Variants in RBM17 observed in about 807,000 individuals in gnomAD.
RBM17 encodes RNA binding motif protein 17, also known as splicing factor 45.
Under a neutral mutation model 53.2 loss-of-function variants are expected in RBM17, and 7 were observed. The ratio of observed to expected loss-of-function variants is 0.13; its 90% confidence interval spans 0.07 to 0.25. RBM17 has a LOEUF of 0.25. RBM17 is among the 10% of genes least tolerant of loss of function. The pLI is 1.00. For missense variants in RBM17, 257 were observed against 496.7 expected, an observed-to-expected ratio of 0.52 and a Z score of 4.59; for synonymous variants, 167 against 178.1, an observed-to-expected ratio of 0.94 and a Z score of 0.50.
intron 5 of RBM17, among the ~76,000 whole-genome samples, chr10:6,106,625 G>A (rs775389425): frequency 1.3e-5 from 2 of 152,082 alleles, no homozygotes; most frequent in Non-Finnish European, 2.9e-5. Flanking sequence ...TTTCATATCC[G>A]CTATCTTAGT....
At chr10:6,100,904 A>C (rs964120890) in intron 2 of RBM17, among the ~76,000 whole-genome samples, 11 of 152,234 alleles carry the variant, frequency 7.2e-5, no homozygotes, top group Non-Finnish European at 1.6e-4. Context: ...GAACATTAAC[A>C]ATAATTGAAT....
chr10:6,113,500 T>C lies in RBM17; in HGVS notation c.857-8T>C, dbSNP rs867141014. On this transcript the variant is annotated splice_region_variant and splice_polypyrimidine_tract_variant and intron_variant, in intron 8 of 11. Transcript: ENST00000379888. ...CTGTAACACATCTAATGGTATGTTTTGATACAGATGCATCCAAGAAGTCAG... is the reference window on the plus strand; with the variant it reads ...CTGTAACACATCTAATGGTATGTTTCGATACAGATGCATCCAAGAAGTCAG... The C allele has an allele frequency of 2.5e-6, 4 of 1,600,840 alleles. No individual in the cohort carries two copies. In the Middle Eastern group the frequency reaches 6.6e-4, roughly 265 times the overall value.
At chr10:6,092,823 A>G (rs1483519956) in intron 1 of RBM17, among the ~76,000 whole-genome samples, 20 of 152,236 alleles carry the variant, frequency 1.3e-4, no homozygotes, top group Admixed American at 1.3e-3. Flanking sequence ...ATCAGTTTCT[A>G]ATATTTAAAG....
intron 2 of RBM17, among the ~76,000 whole-genome samples, chr10:6,099,783 C>T (rs1327552209): frequency 5.3e-5 from 8 of 152,094 alleles, no homozygotes; most frequent in Admixed American, 5.2e-4. Flanking sequence ...TCTGGCTGGG[C>T]GTGGTGGCTC....
At chr10:6,090,345 C>T (rs917706701) in intron 1 of RBM17, among the ~76,000 whole-genome samples, 1 of 152,182 alleles carries the variant, frequency 6.6e-6, no homozygotes, top group Non-Finnish European at 1.5e-5. Flanking sequence ...GTTGTAAAGG[C>T]TGCAGACATT....
At chr10:6,099,322 G>A (rs1029259849) in intron 2 of RBM17, among the ~76,000 whole-genome samples, 2 of 151,338 alleles carry the variant, frequency 1.3e-5, no homozygotes, top group African/African-American at 4.9e-5. Context: ...CTCTTAGGCT[G>A]TTTAGTTACT....
chr10:6,097,672 AAAAC>A (rs374129433), intron 2 of RBM17, among the ~76,000 whole-genome samples: 38 of 152,330 alleles, frequency 2.5e-4, no homozygotes, highest in African/African-American at 6.3e-4. Flanking sequence ...CTCCGATTCA[AAAAC>A]AAACAAACAA....
At position 6,113,557 on chromosome 10, in the gene RBM17, T is replaced by G. The variant is rs1239904191; in HGVS notation, c.906T>G (p.Cys302Trp). Residue 302 changes from cysteine to tryptophan, a missense_variant, in exon 9 of 12, where the codon TGT (cysteine) becomes TGG (tryptophan). This residue lies in a region of RBM17 where 49 missense variants were observed against 114.8 expected (regional missense o/e 0.43). Transcript: ENST00000379888. ...ATCCGCTGACTGAAATACTTAAGTG[T>G]CCTACTAAAGTGGTCTTACTAAGGG... is the stretch of plus-strand genomic sequence containing the variant. ...DSNPLTEILK[C>W]PTKVVLLRNM... 1 of 1,612,452 alleles carries G rather than the reference T, an allele frequency of 6.2e-7. No individual in the cohort carries two copies.
chr10:6,113,702 C>G, intron 9 of RBM17, 121 bp downstream of exon 9: 1 of 716,194 alleles, frequency 1.4e-6, no homozygotes, highest in South Asian at 1.7e-5. Context: ...ATACTTTGGG[C>G]AGATCCCACG....
intron 3 of RBM17, among the ~76,000 whole-genome samples, chr10:6,102,066 A>G (rs1168530318): frequency 1.3e-5 from 2 of 152,244 alleles, no homozygotes; most frequent in African/African-American, 4.8e-5. Flanking sequence ...AAAATGAGGT[A>G]AAATGAGTGA....
At chr10:6,099,878 T>G (rs960825289) in intron 2 of RBM17, among the ~76,000 whole-genome samples, 1 of 152,104 alleles carries the variant, frequency 6.6e-6, no homozygotes, top group East Asian at 1.9e-4. Flanking sequence ...ACCAACATGG[T>G]GAAACCTTAT....
intron 1 of RBM17, 70 bp from the exon 2 acceptor site, chr10:6,096,978 T>A: frequency 2.1e-6 from 3 of 1,455,174 alleles, no homozygotes; most frequent in Non-Finnish European, 2.8e-6. Flanking sequence ...AATTTCATGA[T>A]ACTTATTTTA....
In RBM17 at chr10:6,106,164, C is replaced by G. The variant is rs1230452797; in HGVS notation, c.431C>G (p.Ala144Gly). Reference sequence around the variant, plus strand: ...AGAAGGCGTAAAGACAGACATGAAGCAAGTGGGTTTGCAAGGAGACCAGAT... The same window carrying G: ...AGAAGGCGTAAAGACAGACATGAAGGAAGTGGGTTTGCAAGGAGACCAGAT... Reference protein sequence around the residue: ...REKRRKDRHEASGFARRPDPD... With the variant: ...REKRRKDRHEGSGFARRPDPD... Residue 144 changes from alanine to glycine, a missense_variant, in exon 5 of 12, where the codon GCA becomes GGA. Ala to Gly is a moderately conservative substitution (Grantham distance 60). Transcript: ENST00000379888. The G allele has an allele frequency of 1.2e-6, 2 of 1,613,226 alleles. No individual in the cohort carries two copies. Among genetic ancestry groups the G allele is most frequent in the Non-Finnish European group, 1.7e-6 (2 of 1,179,494 alleles).
At chr10:6,108,538 A>G (rs11256802) in intron 5 of RBM17, 148 bp from the exon 6 acceptor site, 2 of 555,316 alleles carry the variant, frequency 3.6e-6, no homozygotes, top group East Asian at 3.2e-5. Flanking sequence ...AGGTTTGTTC[A>G]TATGTAGCAG....
intron 5 of RBM17, among the ~76,000 whole-genome samples, chr10:6,108,057 C>G (rs541416835): frequency 6.4e-4 from 98 of 152,240 alleles, no homozygotes; most frequent in African/African-American, 2.0e-3. Context: ...CATTCGTTGT[C>G]CAGGAAATAC....
At position 6,115,743 on chromosome 10, in the gene RBM17, T is replaced by G; in HGVS notation, c.*187T>G. 4 of 433,650 alleles carry G rather than the reference T, an allele frequency of 9.2e-6. No homozygotes were observed. The highest frequency in any genetic ancestry group is 1.6e-5 in the Non-Finnish European group (4 of 246,044). The allele number at this position is 433,650 out of a possible 1,614,324, so 26.9% of individuals were successfully genotyped here. On this transcript the variant is annotated 3_prime_UTR_variant, in exon 12 of 12. Coordinates refer to ENST00000379888, the MANE Select transcript of RBM17 (RefSeq NM_032905.5). The stretch of plus-strand genomic sequence containing the variant: ...TTTTAATATAGTATAAAAATCCTTT[T>G]AAAAAAACAACAATCTGTGTGCCTC...
Position 6,112,454 on chromosome 10 carries a change from G to T in RBM17, c.856+93G>T, listed in dbSNP as rs1840854049. ...TCTTGATCCTCATGTGTCAGCAGGGGGACAATGAGGCGTGTGGCCAGAGGG... is the reference window on the plus strand; with the variant it reads ...TCTTGATCCTCATGTGTCAGCAGGGTGACAATGAGGCGTGTGGCCAGAGGG... On this transcript the variant is annotated intron_variant, in intron 8 of 11. Transcript: ENST00000379888. The surrounding 1 kb of genome is among the most constrained non-coding windows in gnomAD (Gnocchi z 4.4). 1 of 1,467,766 alleles carries T rather than the reference G, an allele frequency of 6.8e-7. No homozygotes were observed. The highest frequency in any genetic ancestry group is 1.4e-5 in the African/African-American group (1 of 71,802). The allele number at this position is 1,467,766 out of a possible 1,614,324, so 90.9% of individuals were successfully genotyped here.
chr10:6,110,275 G>T (rs548978702), intron 7 of RBM17, 148 bp downstream of exon 7: 1 of 541,876 alleles, frequency 1.8e-6, no homozygotes, highest in Non-Finnish European at 2.9e-6. Flanking sequence ...ATCGTGTGGA[G>T]CGTGTTCCAG....
Position 6,113,692 on chromosome 10 carries a change from A to C in RBM17, c.930+111A>C, listed in dbSNP as rs945366496. Reference sequence around the variant, plus strand: ...ACTGAAAATGATACTTTTGCAAATAATACTTTGGGCAGATCCCACGTAAGG... The same window carrying C: ...ACTGAAAATGATACTTTTGCAAATACTACTTTGGGCAGATCCCACGTAAGG... On this transcript the variant is annotated intron_variant, in intron 9 of 11. Transcript: ENST00000379888. 1.8e-5 allele frequency: 14 copies of C among 762,086 alleles called. No individual in the cohort carries two copies. The African/African-American group carries it at 2.4e-4, about 13-fold the overall frequency. The allele number at this position is 762,086 out of a possible 1,614,324, so 47.2% of individuals were successfully genotyped here.
Sources: gnomAD v4.1 joint callset for allele counts (sites outside exome capture counted in the v4.1 genomes callset) on GRCh38, gnomAD v4.1.1 for gene constraint, gnomAD v4.1.1 regional missense constraint, Gnocchi (gnomAD v3.1) non-coding constraint, MANE v1.5 for transcripts, NCBI Gene and HGNC (gene_info 2026-07-23, HGNC 2026-07-21) for gene names.